Variants in CALB1 observed in about 807,000 individuals in gnomAD.
The protein encoded by CALB1 is calbindin.
CALB1 carries 16 observed loss-of-function variants against 46.7 expected under a neutral mutation model. That is an observed-to-expected ratio of 0.34 (90% confidence interval 0.23 to 0.52). The LOEUF (loss-of-function observed/expected upper bound fraction) is 0.52. CALB1 is among the 20% of genes least tolerant of loss of function. The pLI is 0.95. For missense variants in CALB1, 224 were observed against 300.3 expected (o/e 0.75, Z 1.88); for synonymous variants, 90 against 112.8 (o/e 0.80, Z 1.28).
At chr8:90,060,518 T>G (rs937168121) in intron 10 of CALB1, 111 bp downstream of exon 10, 1 of 875,304 alleles carries the variant, frequency 1.1e-6, no homozygotes, top group Non-Finnish European at 1.9e-6. Flanking sequence ...GAATTCTATT[T>G]CTGCTCCTCT....
At chr8:90,063,657 T>A in intron 6 of CALB1, 196 bp from the exon 7 acceptor site, 1 of 533,104 alleles carries the variant, frequency 1.9e-6, no homozygotes, top group Non-Finnish European at 3.3e-6. Flanking sequence ...TTTATCAGGA[T>A]AATATAGAAT....
chr8:90,063,479 A>C lies in CALB1; in HGVS notation c.451-18T>G. On this transcript the variant is annotated intron_variant, in intron 6 of 10. Transcript: ENST00000265431. ...AGTTTCAGCTGAAAGACAGAATGCCATTATTCTAGCTATTTGAGGAATAAT... is the reference window on the plus strand; with the variant it reads ...AGTTTCAGCTGAAAGACAGAATGCCCTTATTCTAGCTATTTGAGGAATAAT... The C allele has an allele frequency of 6.3e-7, 1 of 1,598,270 alleles. No individual in the cohort carries two copies. Among genetic ancestry groups the C allele is most frequent in the Non-Finnish European group, 8.6e-7 (1 of 1,167,486 alleles).
intron 5 of CALB1, among the ~76,000 whole-genome samples, chr8:90,067,564 G>A (rs1360436612): frequency 1.3e-5 from 2 of 152,086 alleles, no homozygotes; most frequent in African/African-American, 2.4e-5. Flanking sequence ...CATTAAAAAC[G>A]TTTACATTTT....
intron 6 of CALB1, among the ~76,000 whole-genome samples, chr8:90,065,423 C>A (rs1814374959): frequency 6.6e-6 from 1 of 151,622 alleles, no homozygotes; most frequent in Non-Finnish European, 1.5e-5. Flanking sequence ...GAAGGAGACC[C>A]ATTTTAACTT....
intron 3 of CALB1, among the ~76,000 whole-genome samples, chr8:90,070,269 A>T (rs1814486387): frequency 6.6e-6 from 1 of 152,108 alleles, no homozygotes; most frequent in Admixed American, 6.6e-5. Context: ...GAATCTACAC[A>T]CACTATATTT....
At chr8:90,074,745 G>T (rs998194718) in intron 3 of CALB1, among the ~76,000 whole-genome samples, 1 of 152,154 alleles carries the variant, frequency 6.6e-6, no homozygotes, top group African/African-American at 2.4e-5. Context: ...TAGCTTTTAG[G>T]TCTGTTTTTC....
chr8:90,077,204 A>G (rs1814637569), intron 3 of CALB1, among the ~76,000 whole-genome samples: 1 of 152,014 alleles, frequency 6.6e-6, no homozygotes, highest in African/African-American at 2.4e-5. Context: ...CATTACTATT[A>G]TCTATTTATA....
chr8:90,078,514 A>C (rs940652111), intron 2 of CALB1, 67 bp from the exon 3 acceptor site: 2 of 899,350 alleles, frequency 2.2e-6, no homozygotes, highest in African/African-American at 1.7e-5. Context: ...TGATGGTGTT[A>C]ATAACTTACT....
chr8:90,082,706 GGGGTGTGTGTCT>G lies in CALB1; in HGVS notation c.-21_-10del, dbSNP rs1563686680. 7.4e-6 allele frequency: 12 copies of G among 1,613,112 alleles called. No individual in the cohort carries two copies. Among genetic ancestry groups the G allele is most frequent in the Middle Eastern group, 1.6e-4 (1 of 6,072 alleles). ...AGGTGGGATTCTGCCATTGTACAGC[GGGGTGTGTGTCT>G]GGGTGTGTGAATATGCGTGTGTCTG... On this transcript the variant is annotated 5_prime_UTR_variant, in exon 1 of 11. Coordinates refer to ENST00000265431, the MANE Select transcript of CALB1 (RefSeq NM_004929.4).
At chr8:90,080,711 T>C (rs1814713942) in intron 2 of CALB1, among the ~76,000 whole-genome samples, 1 of 152,038 alleles carries the variant, frequency 6.6e-6, no homozygotes, top group African/African-American at 2.4e-5. Context: ...CACAATCTGG[T>C]TTAAAATCAA....
At chr8:90,068,592 C>T (rs1429425240) in intron 5 of CALB1, among the ~76,000 whole-genome samples, 1 of 152,116 alleles carries the variant, frequency 6.6e-6, no homozygotes, top group East Asian at 1.9e-4. Flanking sequence ...TTAAATAAGG[C>T]ATTATGTGTA....
Position 90,060,604 on chromosome 8 carries a change from GTAAGTGCCATGGTAAC to G in CALB1, c.672+9_672+24del. On this transcript the variant is annotated intron_variant, in intron 10 of 10. Transcript: ENST00000265431. Reference sequence around the variant, plus strand: ...GGATCCACAGAGTCTGCTTAAAGAAGTAAGTGCCATGGTAACTAAGTTACCTGTTTATTCTTCTCGC... The same window carrying G: ...GGATCCACAGAGTCTGCTTAAAGAAGTAAGTTACCTGTTTATTCTTCTCGC... 8 of 1,586,594 alleles carry G rather than the reference GTAAGTGCCATGGTAAC, an allele frequency of 5.0e-6. No homozygotes were observed. The highest frequency in any genetic ancestry group is 6.9e-6 in the Non-Finnish European group (8 of 1,155,100).
At chr8:90,061,984 T>C (rs1267139560) in intron 9 of CALB1, 1 of 152,006 alleles carries the variant, frequency 6.6e-6, no homozygotes, top group African/African-American at 2.4e-5. Flanking sequence ...ATTAAAACAG[T>C]ATAGCTCTGA....
intron 3 of CALB1, among the ~76,000 whole-genome samples, chr8:90,072,758 T>G (rs1190609021): frequency 6.6e-6 from 1 of 152,214 alleles, no homozygotes; most frequent in Non-Finnish European, 1.5e-5. Flanking sequence ...TTCTCAGATA[T>G]GCTAAGTCAC....
intron 3 of CALB1, among the ~76,000 whole-genome samples, chr8:90,073,554 G>A (rs569744209): frequency 2.6e-5 from 4 of 152,092 alleles, no homozygotes; most frequent in Admixed American, 1.3e-4. Flanking sequence ...CTTCTGTCCC[G>A]GGGTATTGAT....
intron 5 of CALB1, among the ~76,000 whole-genome samples, chr8:90,066,725 CATAA>C (rs1178543550): frequency 2.0e-5 from 3 of 151,992 alleles, no homozygotes; most frequent in Non-Finnish European, 2.9e-5. Flanking sequence ...TTAACAGAAA[CATAA>C]ATAAAAGCTT....
chr8:90,076,251 T>C (rs960063857), intron 3 of CALB1, among the ~76,000 whole-genome samples: 13 of 152,202 alleles, frequency 8.5e-5, no homozygotes, highest in Middle Eastern at 6.8e-3. Context: ...TTGCCATAAG[T>C]AATCAACCAA....
intron 2 of CALB1, chr8:90,081,392 T>TA: frequency 5.2e-6 from 3 of 575,988 alleles, no homozygotes; most frequent in Non-Finnish European, 6.6e-6. Context: ...TTCTCACTGT[T>TA]AGGTTGCAAG....
chr8:90,075,752 C>T (rs1176729669), intron 3 of CALB1, among the ~76,000 whole-genome samples: 1 of 152,068 alleles, frequency 6.6e-6, no homozygotes, highest in Non-Finnish European at 1.5e-5. Context: ...TTAACCATCA[C>T]ACAGTGAACC....
Sources: gnomAD v4.1 joint callset for allele counts (sites outside exome capture counted in the v4.1 genomes callset) on GRCh38, gnomAD v4.1.1 for gene constraint, MANE v1.5 for transcripts, NCBI Gene and HGNC (gene_info 2026-07-23, HGNC 2026-07-21) for gene names.